The following NRG1 variants were observed in gnomAD, a reference collection of about 807,000 sequenced individuals.
NRG1 encodes pro-neuregulin-1, membrane-bound isoform.
Under a neutral mutation model 63.8 loss-of-function variants are expected in NRG1, and 18 were observed. That is an observed-to-expected ratio of 0.28 (90% CI 0.19 to 0.42). NRG1 has a LOEUF of 0.42. NRG1 is among the 10% of genes least tolerant of loss of function. The probability of loss-of-function intolerance (pLI) is 1.00; values close to 1 mark genes in which losing one functional copy is unlikely to be tolerated. For synonymous variants in NRG1, 302 were observed against 301.3 expected (o/e 1.00, Z -0.02); for missense variants, 762 against 814.7 (o/e 0.94, Z 0.79).
chr8:31,844,760 G>A (rs574153168), intron 1 of NRG1, among the ~76,000 whole-genome samples: 2 of 152,066 alleles, frequency 1.3e-5, no homozygotes, highest in South Asian at 4.2e-4. Flanking sequence ...TGCCTCTGTA[G>A]GCTCTGGTAC....
chr8:32,571,039 C>T (rs115933162), intron 1 of NRG1, among the ~76,000 whole-genome samples: 1,784 of 152,158 alleles, frequency 0.012, 31 homozygotes, highest in African/African-American at 0.041. Flanking sequence ...ACATGAACTG[C>T]GCCTGGTTAG....
At chr8:31,705,998 C>T (rs1007438464) in intron 1 of NRG1, among the ~76,000 whole-genome samples, 1 of 152,192 alleles carries the variant, frequency 6.6e-6, no homozygotes, top group Non-Finnish European at 1.5e-5. Flanking sequence ...AAATATCTTA[C>T]ATCTTCTCAA....
chr8:32,041,387 A>G (rs1820012052), intron 1 of NRG1, among the ~76,000 whole-genome samples: 1 of 152,222 alleles, frequency 6.6e-6, no homozygotes, highest in African/African-American at 2.4e-5. Flanking sequence ...TACAACTATC[A>G]AACCTGGACA....
At chr8:31,919,236 C>T (rs1833688552) in intron 1 of NRG1, among the ~76,000 whole-genome samples, 2 of 151,870 alleles carry the variant, frequency 1.3e-5, no homozygotes, top group South Asian at 2.1e-4. Flanking sequence ...TATTTCTTGC[C>T]TTCTGCTAGC....
intron 1 of NRG1, among the ~76,000 whole-genome samples, chr8:32,361,809 T>G (rs535550095): frequency 1.3e-5 from 2 of 152,332 alleles, no homozygotes; most frequent in South Asian, 4.1e-4. Context: ...GCATGTGGCC[T>G]CAGTAATACA....
intron 1 of NRG1, among the ~76,000 whole-genome samples, chr8:32,208,741 T>C (rs1023461562): frequency 7.9e-5 from 12 of 152,212 alleles, no homozygotes; most frequent in African/African-American, 2.9e-4. Context: ...AAGAGAATGG[T>C]AAATACATCA....
chr8:32,670,754 C>T (rs1805431421), intron 5 of NRG1, among the ~76,000 whole-genome samples: 1 of 152,134 alleles, frequency 6.6e-6, no homozygotes, highest in African/African-American at 2.4e-5. Flanking sequence ...CTGGCCAAAG[C>T]TGTTTTAACC....
At chr8:31,820,575 G>A (rs183036827) in intron 1 of NRG1, among the ~76,000 whole-genome samples, 27 of 152,270 alleles carry the variant, frequency 1.8e-4, no homozygotes, top group Non-Finnish European at 1.5e-5. Context: ...TGTTCACAGA[G>A]AATTGTCTCT....
intron 5 of NRG1, among the ~76,000 whole-genome samples, chr8:32,681,565 T>C (rs1458483648): frequency 6.6e-6 from 1 of 152,146 alleles, no homozygotes; most frequent in Non-Finnish European, 1.5e-5. Context: ...ACATGGAGAA[T>C]ATATTGATAA....
intron 1 of NRG1, among the ~76,000 whole-genome samples, chr8:32,184,118 C>A (rs1033768562): frequency 6.6e-6 from 1 of 151,342 alleles, no homozygotes; most frequent in African/African-American, 2.4e-5. Context: ...ATATAGATCA[C>A]GTAAATATAT....
At chr8:31,752,968 T>C (rs780901440) in intron 1 of NRG1, among the ~76,000 whole-genome samples, 57 of 152,096 alleles carry the variant, frequency 3.7e-4, no homozygotes, top group Non-Finnish European at 7.5e-4. Flanking sequence ...TGTTTTATTC[T>C]TGGCTTTGTC....
At chr8:32,474,511 T>C (rs1824243836) in intron 1 of NRG1, among the ~76,000 whole-genome samples, 1 of 150,774 alleles carries the variant, frequency 6.6e-6, no homozygotes, top group Non-Finnish European at 1.5e-5. Flanking sequence ...TTTTTTTTTT[T>C]TGGACGGAGT....
chr8:32,053,015 A>T (rs1047420414), intron 1 of NRG1, among the ~76,000 whole-genome samples: 1 of 152,200 alleles, frequency 6.6e-6, no homozygotes, highest in African/African-American at 2.4e-5. Context: ...TAGTAAACAT[A>T]GAATGAACTT....
At chr8:31,741,220 G>T (rs1365311574) in intron 1 of NRG1, among the ~76,000 whole-genome samples, 2 of 151,942 alleles carry the variant, frequency 1.3e-5, no homozygotes, top group Admixed American at 1.3e-4. Flanking sequence ...ACCCTTAGGG[G>T]CAGGAGGGAA....
chr8:31,859,414 A>C (rs1828256110), intron 1 of NRG1, among the ~76,000 whole-genome samples: 1 of 152,122 alleles, frequency 6.6e-6, no homozygotes, highest in South Asian at 2.1e-4. Flanking sequence ...TCACAATGTG[A>C]TCTATACCTA....
At chr8:31,835,286 A>T (rs569975442) in intron 1 of NRG1, among the ~76,000 whole-genome samples, 1 of 152,348 alleles carries the variant, frequency 6.6e-6, no homozygotes, top group Non-Finnish European at 1.5e-5. Context: ...CTGCCTCTAA[A>T]GTCCTCCACT....
At chr8:32,184,339 G>A (rs571966189) in intron 1 of NRG1, among the ~76,000 whole-genome samples, 2 of 152,158 alleles carry the variant, frequency 1.3e-5, no homozygotes, top group South Asian at 4.1e-4. Context: ...CTATTTTCCT[G>A]AAGGTACATT....
At chr8:32,241,355 G>A (rs995709808) in intron 1 of NRG1, among the ~76,000 whole-genome samples, 3 of 152,124 alleles carry the variant, frequency 2.0e-5, no homozygotes, top group East Asian at 1.9e-4. Context: ...CTCTTTATTT[G>A]TATAGTTTCC....
At chr8:32,719,157 A>C (rs1304461280) in intron 5 of NRG1, among the ~76,000 whole-genome samples, 1 of 152,186 alleles carries the variant, frequency 6.6e-6, no homozygotes, top group African/African-American at 2.4e-5. Flanking sequence ...AGATATTCTT[A>C]GTGATACAGA....
Sources: allele counts gnomAD v4.1 joint callset (sites outside exome capture counted in the v4.1 genomes callset), GRCh38; gene constraint gnomAD v4.1.1; transcripts MANE v1.5; gene names NCBI Gene and HGNC (gene_info 2026-07-23, HGNC 2026-07-21).